Variants in CDH18 observed in about 807,000 individuals in gnomAD.
The protein encoded by CDH18 is cadherin-18.
A neutral mutation model predicts 67.9 loss-of-function variants in CDH18; 31 were observed. The ratio of observed to expected loss-of-function variants is 0.46; its 90% CI spans 0.34 to 0.62. The LOEUF (loss-of-function observed/expected upper bound fraction) is 0.62, where lower values mean the gene tolerates loss of function less well. CDH18 is among the 20% of genes least tolerant of loss of function. CDH18 has a pLI of 0.01. For missense variants in CDH18, 890 were observed against 975.5 expected (o/e 0.91, Z 1.17); for synonymous variants, 362 against 347.2 (o/e 1.04, Z -0.48).
intron 2 of CDH18, among the ~76,000 whole-genome samples, chr5:20,243,817 G>C (rs1743171957): frequency 6.6e-6 from 1 of 151,942 alleles, no homozygotes; most frequent in South Asian, 2.1e-4. Context: ...CTTTATAATG[G>C]AAAGGCACTA....
chr5:19,974,844 T>C (rs1217340887), intron 2 of CDH18, among the ~76,000 whole-genome samples: 2 of 151,956 alleles, frequency 1.3e-5, no homozygotes, highest in Non-Finnish European at 1.5e-5. Flanking sequence ...GGGGTGTGGG[T>C]GCTGGCCTGT....
At position 20,063,859 on chromosome 5, in the gene CDH18, T is replaced by C. The variant is rs542569447; in HGVS notation, c.-517-71845A>G. ...GCCCCAAACAAGCACTGAATAAATG[T>C]TGTCTGGACACTCGTCTGTCTTCAC... On this transcript the variant is annotated intron_variant, in intron 2 of 14. Transcript: ENST00000507958. 4.7e-4 allele frequency among the ~76,000 whole-genome samples: 72 copies of C among 152,266 alleles called. No homozygotes were observed. The South Asian group carries it at 0.012, about 25-fold the overall frequency.
intron 8 of CDH18, among the ~76,000 whole-genome samples, chr5:19,548,548 C>T (rs978205866): frequency 1.3e-5 from 2 of 151,712 alleles, no homozygotes; most frequent in African/African-American, 4.8e-5. Flanking sequence ...GGAGCACTTG[C>T]AGTATACTAG....
intron 2 of CDH18, among the ~76,000 whole-genome samples, chr5:20,219,044 GA>G (rs1186399716): frequency 1.3e-5 from 2 of 149,406 alleles, no homozygotes; most frequent in Non-Finnish European, 1.5e-5. Context: ...AAATAAAATT[GA>G]AAAAAAATCA....
chr5:20,406,595 G>T (rs1433511865), intron 1 of CDH18, among the ~76,000 whole-genome samples: 2 of 151,488 alleles, frequency 1.3e-5, no homozygotes, highest in African/African-American at 2.4e-5. Flanking sequence ...AAGTCCTGTA[G>T]AAAATGAAAA....
intron 5 of CDH18, among the ~76,000 whole-genome samples, chr5:19,674,155 C>A (rs1448320257): frequency 6.6e-6 from 1 of 151,808 alleles, no homozygotes; most frequent in Non-Finnish European, 1.5e-5. Context: ...GAATAAGGAC[C>A]AAACTTAATG....
At chr5:19,567,475 C>T (rs149217591) in intron 8 of CDH18, among the ~76,000 whole-genome samples, 1 of 152,126 alleles carries the variant, frequency 6.6e-6, no homozygotes, top group East Asian at 1.9e-4. Context: ...CATTTCAGGG[C>T]ACATTGCAAA....
chr5:20,508,201 T>G (rs1754766042), intron 1 of CDH18, among the ~76,000 whole-genome samples: 1 of 151,340 alleles, frequency 6.6e-6, no homozygotes, highest in Admixed American at 6.6e-5. Flanking sequence ...AAAACTTTTC[T>G]TAAAACACAA....
At chr5:20,216,981 A>G (rs939206070) in intron 2 of CDH18, among the ~76,000 whole-genome samples, 1 of 152,010 alleles carries the variant, frequency 6.6e-6, no homozygotes, top group South Asian at 2.1e-4. Context: ...GTGGCATGAC[A>G]TATTTAAAGT....
intron 2 of CDH18, among the ~76,000 whole-genome samples, chr5:20,206,959 C>A (rs1739945552): frequency 1.3e-5 from 2 of 151,894 alleles, no homozygotes; most frequent in Non-Finnish European, 1.5e-5. Context: ...ATTATCTCTA[C>A]TTTTATTCAA....
At chr5:20,234,879 G>C (rs1742353074) in intron 2 of CDH18, among the ~76,000 whole-genome samples, 1 of 152,120 alleles carries the variant, frequency 6.6e-6, no homozygotes, top group African/African-American at 2.4e-5. Context: ...CGCAGATGAT[G>C]AATCTTAACA....
intron 4 of CDH18, among the ~76,000 whole-genome samples, chr5:19,736,750 C>T (rs114547569): frequency 0.019 from 2,961 of 152,028 alleles, 90 homozygotes; most frequent in African/African-American, 0.066. Flanking sequence ...AGAGTAGCAC[C>T]GCTTTTATGA....
chr5:19,715,912 G>A (rs2150553271), intron 5 of CDH18, among the ~76,000 whole-genome samples: 1 of 151,094 alleles, frequency 6.6e-6, no homozygotes, highest in South Asian at 2.1e-4. Flanking sequence ...TGCCTCCTGG[G>A]TTCAAGCGAT....
At chr5:19,699,870 T>C (rs1020386026) in intron 5 of CDH18, among the ~76,000 whole-genome samples, 1 of 152,046 alleles carries the variant, frequency 6.6e-6, no homozygotes, top group Non-Finnish European at 1.5e-5. Context: ...TGATGAGATA[T>C]TACTTATTAG....
intron 2 of CDH18, among the ~76,000 whole-genome samples, chr5:19,979,371 A>G (rs1798812574): frequency 6.6e-6 from 1 of 152,084 alleles, no homozygotes. Flanking sequence ...TCACAACTTA[A>G]TCACCTCAGA....
At chr5:20,417,973 G>A (rs1009482537) in intron 1 of CDH18, among the ~76,000 whole-genome samples, 1 of 152,176 alleles carries the variant, frequency 6.6e-6, no homozygotes, top group East Asian at 1.9e-4. Context: ...ACAATCCTAT[G>A]AGGAGGATTA....
chr5:20,501,374 A>G (rs1026266276), intron 1 of CDH18, among the ~76,000 whole-genome samples: 5 of 147,752 alleles, frequency 3.4e-5, no homozygotes, highest in Non-Finnish European at 7.4e-5. Context: ...TCTATAATTT[A>G]TACTTCACTG....
At chr5:19,494,644 C>T (rs1412609313) in intron 11 of CDH18, among the ~76,000 whole-genome samples, 2 of 152,258 alleles carry the variant, frequency 1.3e-5, no homozygotes, top group East Asian at 3.9e-4. Context: ...ATAATAACTG[C>T]CTCTGTCCTT....
chr5:20,393,966 T>C (rs1458405614), intron 1 of CDH18, among the ~76,000 whole-genome samples: 3 of 151,998 alleles, frequency 2.0e-5, no homozygotes. Flanking sequence ...TTCAATATCA[T>C]GACAATGACC....
Sources: gnomAD v4.1 joint callset for allele counts (sites outside exome capture counted in the v4.1 genomes callset) on GRCh38, gnomAD v4.1.1 for gene constraint, MANE v1.5 for transcripts, NCBI Gene and HGNC (gene_info 2026-07-23, HGNC 2026-07-21) for gene names.